Variants in NTSR1 observed in about 807,000 individuals in gnomAD.
NTSR1 encodes neurotensin receptor 1, also known as neurotensin receptor type 1.
In NTSR1, 29 loss-of-function variants were observed where a neutral mutation model predicts 31.2. That is an observed-to-expected ratio of 0.93 (90% CI 0.69 to 1.27). The LOEUF (loss-of-function observed/expected upper bound fraction) is 1.27, where lower values mean the gene tolerates loss of function less well. Ranked by LOEUF, NTSR1 falls within the 50% of genes most tolerant of loss-of-function variation. NTSR1 has a pLI of 0.00. For missense variants in NTSR1, 697 were observed against 595.4 expected, an observed-to-expected ratio of 1.17 and a Z score of -1.78; for synonymous variants, 282 against 269.9, an observed-to-expected ratio of 1.04 and a Z score of -0.44.
chr20:62,740,702 C>T (rs529797848), intron 1 of NTSR1, among the ~76,000 whole-genome samples: 68 of 152,342 alleles, frequency 4.5e-4, no homozygotes, highest in African/African-American at 1.5e-3. Context: ...AGGTGGGGGC[C>T]GTGACCGGGG....
At chr20:62,754,098 G>C (rs1020107262) in intron 1 of NTSR1, among the ~76,000 whole-genome samples, 10 of 152,210 alleles carry the variant, frequency 6.6e-5, no homozygotes, top group Admixed American at 2.0e-4. Flanking sequence ...GGAAGCTAGA[G>C]GTGGGGAGTG....
Position 62,741,777 on chromosome 20 carries a change from C to T in NTSR1, c.715-12908C>T, listed in dbSNP as rs1249049112. Among the ~76,000 whole-genome samples, 3 of 149,680 alleles carry T rather than the reference C, an allele frequency of 2.0e-5. No individual in the cohort carries two copies. Among genetic ancestry groups the T allele is most frequent in the Non-Finnish European group, 4.4e-5 (3 of 68,012 alleles). On this transcript the variant is annotated intron_variant, in intron 1 of 3. Transcript: ENST00000370501. The surrounding 1 kb of genome is among the most constrained non-coding windows in gnomAD (Gnocchi z 4.3). The stretch of plus-strand genomic sequence containing the variant: ...AGATGCTCTCAAAACCTGGCAATGG[C>T]CCACAGAAGGCATCTGCTCAGGTGA...
intron 1 of NTSR1, among the ~76,000 whole-genome samples, chr20:62,735,799 G>A (rs900520452): frequency 4.6e-5 from 7 of 152,196 alleles, no homozygotes; most frequent in Admixed American, 4.6e-4. Context: ...CAGGGACAGG[G>A]TCTTCCCCGC....
chr20:62,757,383 G>A (rs188499245), intron 2 of NTSR1, among the ~76,000 whole-genome samples: 6 of 152,286 alleles, frequency 3.9e-5, no homozygotes, highest in African/African-American at 7.2e-5. Flanking sequence ...GTAAGGGTTC[G>A]TTTCTGAGAT....
chr20:62,713,451 C>T (rs1299849237), intron 1 of NTSR1, among the ~76,000 whole-genome samples: 1 of 152,164 alleles, frequency 6.6e-6, no homozygotes, highest in Non-Finnish European at 1.5e-5. Context: ...GGCAGAATTC[C>T]GGGAAAGGAG....
Position 62,743,476 on chromosome 20 carries a change from C to T in NTSR1, c.715-11209C>T, listed in dbSNP as rs60846634. Among the ~76,000 whole-genome samples, 16,139 of 151,944 alleles carry T rather than the reference C, an allele frequency of 0.11. 1,988 individuals carry two copies. Among genetic ancestry groups the T allele is most frequent in the East Asian group, 0.32 (1,635 of 5,110 alleles). On this transcript the variant is annotated intron_variant, in intron 1 of 3. Transcript: ENST00000370501. This position sits in a 1 kb window ranked among gnomAD's most constrained non-coding sequence, Gnocchi z 7.5. ...GTCTGTCTGGGAGGTTAGAAAAGAC[C>T]GTCCGTGAGCCTGGGCCCTGCTGGG...
Position 62,754,796 on chromosome 20 carries a change from G to C in NTSR1, c.826G>C (p.Val276Leu). Residue 276 changes from valine (V) to leucine (L), a missense_variant, in exon 2 of 4, where the codon GTG becomes CTG. Physicochemically the swap from Val to Leu is conservative, Grantham distance 32. Transcript: ENST00000370501. ...MVRQAAEQGQ[V>L]CTVGGEHSTF... is the part of the protein sequence containing the mutation. The stretch of plus-strand genomic sequence containing the variant: ...ACGCCAGGCGGCCGAGCAGGGCCAA[G>C]TGTGCACGGTCGGGGGCGAGCACAG... 2.5e-6 allele frequency: 4 copies of C among 1,611,334 alleles called. No individual in the cohort carries two copies. Among genetic ancestry groups the C allele is most frequent in the Non-Finnish European group, 3.4e-6 (4 of 1,179,738 alleles).
chr20:62,746,084 C>T (rs1250242463), intron 1 of NTSR1, among the ~76,000 whole-genome samples: 1 of 152,112 alleles, frequency 6.6e-6, no homozygotes, highest in Admixed American at 6.5e-5. Flanking sequence ...GGGACGGGGG[C>T]CACACTAGCA....
At chr20:62,729,281 G>T (rs903158412) in intron 1 of NTSR1, among the ~76,000 whole-genome samples, 2 of 152,264 alleles carry the variant, frequency 1.3e-5, no homozygotes, top group African/African-American at 4.8e-5. Context: ...CTCCCTGGGA[G>T]CCCCAGGGTG....
intron 1 of NTSR1, among the ~76,000 whole-genome samples, chr20:62,740,601 C>T (rs1989188455): frequency 6.6e-6 from 1 of 152,188 alleles, no homozygotes; most frequent in African/African-American, 2.4e-5. Context: ...GACTCGAGCC[C>T]AGGGGAGCCC....
At chr20:62,716,506 G>A (rs7271557) in intron 1 of NTSR1, among the ~76,000 whole-genome samples, 7,905 of 145,594 alleles carry the variant, frequency 0.054, 565 homozygotes, top group African/African-American at 0.15. Context: ...TGGTTTCAGC[G>A]CGTTAGTCCC....
chr20:62,720,193 G>A (rs904383178), intron 1 of NTSR1, among the ~76,000 whole-genome samples: 13 of 152,106 alleles, frequency 8.5e-5, no homozygotes, highest in African/African-American at 2.4e-4. Flanking sequence ...CTGGCAACTC[G>A]GGAGGCTAAG....
At position 62,742,637 on chromosome 20, in the gene NTSR1, G is replaced by A. The variant is rs1283118811; in HGVS notation, c.715-12048G>A. Among the ~76,000 whole-genome samples, 1 of 149,454 alleles carries A rather than the reference G, an allele frequency of 6.7e-6. No individual in the cohort carries two copies. Among genetic ancestry groups the A allele is most frequent in the Non-Finnish European group, 1.5e-5 (1 of 68,012 alleles). On this transcript the variant is annotated intron_variant, in intron 1 of 3. Coordinates refer to ENST00000370501, the MANE Select transcript of NTSR1 (RefSeq NM_002531.3). The surrounding 1 kb of genome is among the most constrained non-coding windows in gnomAD (Gnocchi z 7.1). ...GTTTACACAGGGCCCTAGGTCTCAG[G>A]TGTCCTGTGGGTGGCCGCTGCTTTT...
chr20:62,743,221 G>A lies in NTSR1; in HGVS notation c.715-11464G>A, dbSNP rs3848673. On this transcript the variant is annotated intron_variant, in intron 1 of 3. Transcript: ENST00000370501. This position sits in a 1 kb window ranked among gnomAD's most constrained non-coding sequence, Gnocchi z 7.5. ...GCTGAGTGCCCCGTGGTGTGGGTGC[G>A]TCATGCCATGGCGACCAGCCCCAAA... Among the ~76,000 whole-genome samples, 19,101 of 149,284 alleles carry A rather than the reference G, an allele frequency of 0.13. 2,208 individuals carry two copies. The highest frequency in any genetic ancestry group is 0.23 in the Middle Eastern group (67 of 294).
At chr20:62,750,701 A>C (rs560452073) in intron 1 of NTSR1, among the ~76,000 whole-genome samples, 4 of 142,978 alleles carry the variant, frequency 2.8e-5, no homozygotes, top group South Asian at 2.1e-4. Flanking sequence ...AAAAAAAAAA[A>C]AAAAAAAAAA....
intron 1 of NTSR1, among the ~76,000 whole-genome samples, chr20:62,718,754 G>C (rs1476123102): frequency 1.3e-5 from 2 of 152,124 alleles, no homozygotes; most frequent in African/African-American, 2.4e-5. Flanking sequence ...ACGTTTTGTT[G>C]AGGCATTTGC....
rs1988681276 is a variant in NTSR1, at chr20:62,714,752, GT to G, written c.714+4832del. ...AACAACTCGTTCTGTTCTACAAACA[GT>G]GAGGGAATCGGAGACGGTGGCCTGG... On this transcript the variant is annotated intron_variant, in intron 1 of 3. Transcript: ENST00000370501. This position sits in a 1 kb window ranked among gnomAD's most constrained non-coding sequence, Gnocchi z 4.1. Among the ~76,000 whole-genome samples, 1 of 152,246 alleles carries G rather than the reference GT, an allele frequency of 6.6e-6. No homozygotes were observed. The highest frequency in any genetic ancestry group is 2.4e-5 in the African/African-American group (1 of 41,462).
In NTSR1 at chr20:62,715,632, G is replaced by C. The variant is rs570673159; in HGVS notation, c.714+5711G>C. On this transcript the variant is annotated intron_variant, in intron 1 of 3. Transcript: ENST00000370501. The surrounding 1 kb of genome is among the most constrained non-coding windows in gnomAD (Gnocchi z 4.7). ...AGCTCTGCATTGTGACCCGGGGTCA[G>C]CTCTCCCGGGCTGTCCTGCACTTGG... Among the ~76,000 whole-genome samples the C allele has an allele frequency of 2.0e-5, 3 of 152,374 alleles. No individual in the cohort carries two copies. Among genetic ancestry groups the C allele is most frequent in the African/African-American group, 7.2e-5 (3 of 41,588 alleles).
intron 1 of NTSR1, among the ~76,000 whole-genome samples, chr20:62,717,785 G>C (rs562419120): frequency 1.6e-5 from 2 of 126,858 alleles, no homozygotes; most frequent in South Asian, 6.6e-4. Flanking sequence ...CCACATGCCA[G>C]GATGGGGGTA....
Sources: gnomAD v4.1 joint callset for allele counts (sites outside exome capture counted in the v4.1 genomes callset) on GRCh38, gnomAD v4.1.1 for gene constraint, Gnocchi (gnomAD v3.1) non-coding constraint, MANE v1.5 for transcripts, NCBI Gene and HGNC (gene_info 2026-07-23, HGNC 2026-07-21) for gene names.